GLIS3: variants seen among roughly 807,000 people sequenced by gnomAD.
GLIS3 encodes zinc finger protein GLIS3.
Under a neutral mutation model 78.6 loss-of-function variants are expected in GLIS3, and 53 were observed. The ratio of observed to expected loss-of-function variants is 0.67; its 90% CI spans 0.54 to 0.85. The LOEUF (loss-of-function observed/expected upper bound fraction) is 0.85. GLIS3 is among the 40% of genes least tolerant of loss of function. The pLI is 0.00. For missense variants in GLIS3, 1,703 were observed against 1,231.1 expected, an observed-to-expected ratio of 1.38 and a Z score of -5.74; for synonymous variants, 684 against 509.9, an observed-to-expected ratio of 1.34 and a Z score of -4.60.
chr9:4,330,073 T>C (rs1817662969), intron 2 of GLIS3, among the ~76,000 whole-genome samples: 1 of 152,244 alleles, frequency 6.6e-6, no homozygotes, highest in African/African-American at 2.4e-5. Flanking sequence ...CCATCAGGAA[T>C]GCAAATACAC....
intron 4 of GLIS3, among the ~76,000 whole-genome samples, chr9:4,074,310 G>C (rs1407179139): frequency 6.6e-6 from 1 of 152,180 alleles, no homozygotes; most frequent in Admixed American, 6.5e-5. Flanking sequence ...TCTGGGCTTT[G>C]TCAGAGAAAT....
chr9:4,187,349 T>G (rs199756567), intron 2 of GLIS3, among the ~76,000 whole-genome samples: 4 of 152,146 alleles, frequency 2.6e-5, no homozygotes, highest in Non-Finnish European at 4.4e-5. Flanking sequence ...TGTTCCATTG[T>G]TCTATCTCTC....
chr9:3,932,503 G>C (rs1427238622), intron 5 of GLIS3, 33 bp from the exon 6 acceptor site: 6 of 1,489,662 alleles, frequency 4.0e-6, no homozygotes, highest in Admixed American at 3.3e-5. Context: ...AACAGCTGTG[G>C]TTAAATCATA....
upstream of GLIS3, among the ~76,000 whole-genome samples, chr9:4,348,545 C>G (rs1172953873): frequency 3.3e-5 from 5 of 152,216 alleles, no homozygotes; most frequent in Non-Finnish European, 5.9e-5. Context: ...GCCACACCTA[C>G]TCCAAGGAGG....
chr9:3,862,102 A>T (rs1360398006), intron 8 of GLIS3, among the ~76,000 whole-genome samples: 1 of 152,084 alleles, frequency 6.6e-6, no homozygotes, highest in Non-Finnish European at 1.5e-5. Context: ...ACAATTATAG[A>T]ATGTTTTAGT....
chr9:4,164,516 C>T (rs1330461411), intron 2 of GLIS3, among the ~76,000 whole-genome samples: 2 of 152,218 alleles, frequency 1.3e-5, no homozygotes, highest in Non-Finnish European at 2.9e-5. Context: ...GTAGGATTAA[C>T]TCGACTGTGA....
intron 2 of GLIS3, among the ~76,000 whole-genome samples, chr9:4,263,805 T>C (rs1825744100): frequency 6.6e-6 from 1 of 152,196 alleles, no homozygotes; most frequent in Non-Finnish European, 1.5e-5. Flanking sequence ...ACTTGGTTTC[T>C]GAGACACCCT....
chr9:4,031,183 A>T (rs1435443169), intron 4 of GLIS3, among the ~76,000 whole-genome samples: 1 of 152,250 alleles, frequency 6.6e-6, no homozygotes, highest in Admixed American at 6.5e-5. Flanking sequence ...ACTCAAACAA[A>T]TACGTCACAG....
At chr9:4,339,493 T>C (rs1365729050) in intron 2 of GLIS3, among the ~76,000 whole-genome samples, 2 of 151,890 alleles carry the variant, frequency 1.3e-5, no homozygotes, top group Non-Finnish European at 2.9e-5. Context: ...AGCCTTGTTT[T>C]TTGAAGGGCT....
At chr9:4,397,016 CTTTT>C in the GLIS3 span, among the ~76,000 whole-genome samples, 4 of 133,358 alleles carry the variant, frequency 3.0e-5, no homozygotes, top group African/African-American at 8.9e-5. Context: ...ATCCTTTTTT[CTTTT>C]TTTCTTTTTT....
chr9:4,264,074 T>G (rs577864770), intron 2 of GLIS3, among the ~76,000 whole-genome samples: 1 of 152,282 alleles, frequency 6.6e-6, no homozygotes, highest in East Asian at 1.9e-4. Context: ...ACATCCCCAC[T>G]TGAAGAACTA....
At chr9:4,322,352 T>C (rs561035491) in intron 2 of GLIS3, among the ~76,000 whole-genome samples, 210 of 152,292 alleles carry the variant, frequency 1.4e-3, no homozygotes, top group Non-Finnish European at 2.5e-3. Context: ...TGTGCATGTG[T>C]CTTTATAGGA....
chr9:3,839,099 C>A (rs550058885), intron 9 of GLIS3, among the ~76,000 whole-genome samples: 27 of 152,274 alleles, frequency 1.8e-4, no homozygotes, highest in Non-Finnish European at 3.5e-4. Flanking sequence ...TCTTAAGTAG[C>A]CTTCTGACAT....
At chr9:4,037,607 C>G (rs1320651870) in intron 4 of GLIS3, among the ~76,000 whole-genome samples, 1 of 147,664 alleles carries the variant, frequency 6.8e-6, no homozygotes, top group Non-Finnish European at 1.5e-5. Flanking sequence ...CCTGGGGGAA[C>G]TTTCACAGGC....
chr9:4,156,046 C>T (rs538643324), intron 2 of GLIS3, among the ~76,000 whole-genome samples: 3 of 152,124 alleles, frequency 2.0e-5, no homozygotes, highest in Non-Finnish European at 2.9e-5. Flanking sequence ...ACTCCTCATA[C>T]CAGTTTCAGG....
intron 2 of GLIS3, among the ~76,000 whole-genome samples, chr9:4,148,692 G>C (rs537313298): frequency 2.0e-5 from 3 of 152,078 alleles, no homozygotes; most frequent in Non-Finnish European, 2.9e-5. Flanking sequence ...CATACCTGTA[G>C]CAAGTTTTAG....
chr9:4,075,259 G>C (rs1195711334), intron 4 of GLIS3, among the ~76,000 whole-genome samples: 1 of 151,952 alleles, frequency 6.6e-6, no homozygotes, highest in East Asian at 1.9e-4. Context: ...AAGATTTATT[G>C]AAAGCTTAAA....
chr9:4,115,298 C>G (rs1456578335), intron 4 of GLIS3, among the ~76,000 whole-genome samples: 1 of 152,152 alleles, frequency 6.6e-6, no homozygotes, highest in East Asian at 1.9e-4. Flanking sequence ...GCTCCTAGCC[C>G]TGCAGTGTAT....
At chr9:4,098,608 T>G (rs1455121692) in intron 4 of GLIS3, among the ~76,000 whole-genome samples, 1 of 152,220 alleles carries the variant, frequency 6.6e-6, no homozygotes, top group Non-Finnish European at 1.5e-5. Context: ...CAACTGTGCC[T>G]TAAAACCATC....
Sources: gnomAD v4.1 joint callset for allele counts (sites outside exome capture counted in the v4.1 genomes callset) on GRCh38, gnomAD v4.1.1 for gene constraint, MANE v1.5 for transcripts, NCBI Gene and HGNC (gene_info 2026-07-23, HGNC 2026-07-21) for gene names.